RFTN1: variants seen among roughly 807,000 people sequenced by gnomAD.
The protein encoded by RFTN1 is raftlin.
In RFTN1, 26 loss-of-function variants were observed where a neutral mutation model predicts 46.5. The ratio of observed to expected loss-of-function variants is 0.56; its 90% CI spans 0.41 to 0.78. The LOEUF (loss-of-function observed/expected upper bound fraction) is 0.78, where lower values mean the gene tolerates loss of function less well. RFTN1 is among the 30% of genes least tolerant of loss of function. The pLI is 0.00. For synonymous variants in RFTN1, 261 were observed against 284.2 expected (o/e 0.92, Z 0.82); for missense variants, 693 against 718.7 (o/e 0.96, Z 0.41).
chr3:16,389,379 T>C (rs1026248008), intron 4 of RFTN1, among the ~76,000 whole-genome samples: 9 of 152,196 alleles, frequency 5.9e-5, no homozygotes, highest in African/African-American at 1.7e-4. Context: ...CTTTTGTAAA[T>C]ACCCTGGAGA....
rs1014368785 is a variant in RFTN1 at position 16,324,636 on chromosome 3, T to C, written c.1251-1179A>G. ...TGACCCCCCCCCTTTTAAGGTTGCA[T>C]AGTATTCCATTGTGTGTGTGTGTGT... On this transcript the variant is annotated intron_variant, in intron 8 of 9. Transcript: ENST00000334133. 2.2e-4 allele frequency among the ~76,000 whole-genome samples: 25 copies of C among 114,838 alleles called. 1 individual carries two copies. The highest frequency in any genetic ancestry group is 4.6e-4 in the Non-Finnish European group (25 of 54,418). 75.3% of individuals were successfully genotyped at this position (114,838 alleles called of 152,430 possible).
rs1659173502 is a variant in RFTN1 at position 16,320,433 on chromosome 3, T to C, written c.1332+2943A>G. 6.6e-6 allele frequency among the ~76,000 whole-genome samples: 1 copy of C among 152,244 alleles called. No homozygotes were observed. Among genetic ancestry groups the C allele is most frequent in the South Asian group, 2.1e-4 (1 of 4,834 alleles). ...ATGTGTGTCCTCGCTAAGAAGCTGA[T>C]TACTCATTCATTGATTCGACAAGTA... On this transcript the variant is annotated intron_variant, in intron 9 of 9. Transcript: ENST00000334133. The surrounding 1 kb of genome is among the most constrained non-coding windows in gnomAD (Gnocchi z 4.5).
In RFTN1 at chr3:16,422,309, G is replaced by A. The variant is rs148491375; in HGVS notation, c.332+11542C>T. 5.1e-4 allele frequency among the ~76,000 whole-genome samples: 77 copies of A among 152,272 alleles called. No individual in the cohort carries two copies. Among genetic ancestry groups the A allele is most frequent in the Middle Eastern group, 6.8e-3 (2 of 294 alleles). Reference sequence around the variant, plus strand: ...TCAGGCTTTACATGGAAAAATCAACGTACAAAAGTTATCAAGATCCTAAAA... The same window carrying A: ...TCAGGCTTTACATGGAAAAATCAACATACAAAAGTTATCAAGATCCTAAAA... On this transcript the variant is annotated intron_variant, in intron 3 of 9. Coordinates refer to ENST00000334133, the MANE Select transcript of RFTN1 (RefSeq NM_015150.2). This position sits in a 1 kb window ranked among gnomAD's most constrained non-coding sequence, Gnocchi z 4.6.
In RFTN1 at chr3:16,468,736, G is replaced by T. The variant is rs896181381; in HGVS notation, c.145+24989C>A. Reference sequence around the variant, plus strand: ...TTGCAACTAGCTGTAGCCAATTCAAGCTGAGCCAATTATCACCAATCATAA... The same window carrying T: ...TTGCAACTAGCTGTAGCCAATTCAATCTGAGCCAATTATCACCAATCATAA... On this transcript the variant is annotated intron_variant, in intron 2 of 9. Coordinates refer to ENST00000334133, the MANE Select transcript of RFTN1 (RefSeq NM_015150.2). The surrounding 1 kb of genome is among the most constrained non-coding windows in gnomAD (Gnocchi z 4.4). 6.6e-6 allele frequency among the ~76,000 whole-genome samples: 1 copy of T among 151,706 alleles called. No individual in the cohort carries two copies. The highest frequency in any genetic ancestry group is 1.5e-5 in the Non-Finnish European group (1 of 67,972).
rs1559351808 is a variant in RFTN1 at position 16,446,048 on chromosome 3, T to G, written c.146-12011A>C. ...GAGAAGGCTCATTAGCAGCTGTCAT[T>G]AAATGAAGAAATTCTCCTCTGATAA... On this transcript the variant is annotated intron_variant, in intron 2 of 9. Transcript: ENST00000334133. This position sits in a 1 kb window ranked among gnomAD's most constrained non-coding sequence, Gnocchi z 4.5. Among the ~76,000 whole-genome samples, 1 of 152,162 alleles carries G rather than the reference T, an allele frequency of 6.6e-6. No homozygotes were observed. Among genetic ancestry groups the G allele is most frequent in the Non-Finnish European group, 1.5e-5 (1 of 68,034 alleles).
At position 16,381,707 on chromosome 3, in the gene RFTN1, G is replaced by A. The variant is rs938101714; in HGVS notation, c.442-3605C>T. On this transcript the variant is annotated intron_variant, in intron 4 of 9. Transcript: ENST00000334133. This position sits in a 1 kb window ranked among gnomAD's most constrained non-coding sequence, Gnocchi z 4.2. Reference sequence around the variant, plus strand: ...AGGAAGGATCATGATGGGCAAAAGCGTGACAGTATGCAACAGCCTGGTGTG... The same window carrying A: ...AGGAAGGATCATGATGGGCAAAAGCATGACAGTATGCAACAGCCTGGTGTG... Among the ~76,000 whole-genome samples, 3 of 152,174 alleles carry A rather than the reference G, an allele frequency of 2.0e-5. No homozygotes were observed. Among genetic ancestry groups the A allele is most frequent in the African/African-American group, 2.4e-5 (1 of 41,424 alleles).
At position 16,470,135 on chromosome 3, in the gene RFTN1, G is replaced by A. The variant is rs899599090; in HGVS notation, c.145+23590C>T. On this transcript the variant is annotated intron_variant, in intron 2 of 9. Transcript: ENST00000334133. ...CTTCATTTGTCTATCTTTAAAATGG[G>A]GATATTTGTCCTTCCTGCTCCACTT... Among the ~76,000 whole-genome samples, 5 of 152,080 alleles carry A rather than the reference G, an allele frequency of 3.3e-5. No individual in the cohort carries two copies. The East Asian group carries it at 5.8e-4, about 18-fold the overall frequency.
At chr3:16,358,586 A>AG (rs1181750291) in intron 6 of RFTN1, among the ~76,000 whole-genome samples, 2 of 152,062 alleles carry the variant, frequency 1.3e-5, no homozygotes, top group Non-Finnish European at 2.9e-5. Context: ...AATGTGGGGG[A>AG]GAGGGAATTT....
intron 4 of RFTN1, among the ~76,000 whole-genome samples, chr3:16,404,601 ACT>A (rs774252175): frequency 2.0e-5 from 3 of 150,594 alleles, no homozygotes; most frequent in Non-Finnish European, 4.4e-5. Context: ...TCCAAGCTAC[ACT>A]CAAGTCAAAC....
intron 2 of RFTN1, among the ~76,000 whole-genome samples, chr3:16,462,307 A>C (rs1375985381): frequency 6.6e-6 from 1 of 152,252 alleles, no homozygotes. Context: ...TACTATTATT[A>C]TTCTTATAGC....
chr3:16,325,146 T>C (rs1440977705), intron 8 of RFTN1, among the ~76,000 whole-genome samples: 1 of 152,260 alleles, frequency 6.6e-6, no homozygotes, highest in Non-Finnish European at 1.5e-5. Context: ...ACCTATTTTG[T>C]GTAGCGGCTA....
chr3:16,464,956 A>T (rs1233088576), intron 2 of RFTN1, among the ~76,000 whole-genome samples: 1 of 152,206 alleles, frequency 6.6e-6, no homozygotes, highest in Non-Finnish European at 1.5e-5. Context: ...CCTGATTCTT[A>T]TTCCAGCCAT....
rs1249581562 is a variant in RFTN1 at position 16,334,139 on chromosome 3, T to TG, written c.1147-7264dup. 6.6e-6 allele frequency among the ~76,000 whole-genome samples: 1 copy of TG among 152,164 alleles called. No homozygotes were observed. The highest frequency in any genetic ancestry group is 6.5e-5 in the Admixed American group (1 of 15,282). On this transcript the variant is annotated intron_variant, in intron 7 of 9. Coordinates refer to ENST00000334133, the MANE Select transcript of RFTN1 (RefSeq NM_015150.2). This position sits in a 1 kb window ranked among gnomAD's most constrained non-coding sequence, Gnocchi z 4.3. Reference sequence around the variant, plus strand: ...GAGATCGTGCCACTGCACTCCAGCCTGGGCGACAGAGCAAGACTCTGTCTC... The same window carrying TG: ...GAGATCGTGCCACTGCACTCCAGCCTGGGGCGACAGAGCAAGACTCTGTCTC...
rs746093270 is a variant in RFTN1 at position 16,480,523 on chromosome 3, G to A, written c.145+13202C>T. The stretch of plus-strand genomic sequence containing the variant: ...CTGACCTGTAAACAAAGAAGAGTAT[G>A]CCTGAAACACAGAACTGAGGAAATG... On this transcript the variant is annotated intron_variant, in intron 2 of 9. Coordinates refer to ENST00000334133, the MANE Select transcript of RFTN1 (RefSeq NM_015150.2). The surrounding 1 kb of genome is among the most constrained non-coding windows in gnomAD (Gnocchi z 4.3). Among the ~76,000 whole-genome samples, 1 of 152,182 alleles carries A rather than the reference G, an allele frequency of 6.6e-6. No homozygotes were observed. Among genetic ancestry groups the A allele is most frequent in the Non-Finnish European group, 1.5e-5 (1 of 68,022 alleles).
In RFTN1 at chr3:16,414,546, G is replaced by T. The variant is rs1423781120; in HGVS notation, c.333-5063C>A. On this transcript the variant is annotated intron_variant, in intron 3 of 9. Transcript: ENST00000334133. ...TTAAACCTGGGAGGCGGAGGTTGCA[G>T]TGAGCCAAGATCACACCACTGCACT... Among the ~76,000 whole-genome samples the T allele has an allele frequency of 2.0e-5, 3 of 151,212 alleles. No individual in the cohort carries two copies. In the East Asian group the frequency reaches 5.8e-4, roughly 29 times the overall value.
chr3:16,387,570 T>TTCTTTCTCTCTCTCTCTCTCTCTCTC lies in RFTN1; in HGVS notation c.442-9469_442-9468insGAGAGAGAGAGAGAGAGAGAGAAAGA, dbSNP rs1224689232. The stretch of plus-strand genomic sequence containing the variant: ...CACTTCTCTCTTCTATATCCTCAAT[T>TTCTTTCTCTCTCTCTCTCTCTCTCTC]TCTCTCTCTCTCTCTCTCTCTCTCT... On this transcript the variant is annotated intron_variant, in intron 4 of 9. Coordinates refer to ENST00000334133, the MANE Select transcript of RFTN1 (RefSeq NM_015150.2). The surrounding 1 kb of genome is among the most constrained non-coding windows in gnomAD (Gnocchi z 5.2). 2.6e-5 allele frequency among the ~76,000 whole-genome samples: 3 copies of TTCTTTCTCTCTCTCTCTCTCTCTCTC among 116,418 alleles called. No homozygotes were observed. The highest frequency in any genetic ancestry group is 1.2e-4 in the African/African-American group (3 of 25,514). 76.4% of individuals were successfully genotyped at this position (116,418 alleles called of 152,430 possible). A position where few individuals can be genotyped will look rare whatever the true frequency, so the allele number is the denominator to read the frequency against.
intron 6 of RFTN1, 137 bp from the exon 7 acceptor site, chr3:16,358,184 A>C (rs1176321999): frequency 1.6e-6 from 1 of 628,390 alleles, no homozygotes; most frequent in Non-Finnish European, 2.9e-6. Flanking sequence ...TAATTAAAGA[A>C]GGCACACACA....
rs1575201499 is a variant in RFTN1 at position 16,387,084 on chromosome 3, C to T, written c.442-8982G>A. Among the ~76,000 whole-genome samples the T allele has an allele frequency of 6.6e-6, 1 of 152,362 alleles. No individual in the cohort carries two copies. Among genetic ancestry groups the T allele is most frequent in the East Asian group, 1.9e-4 (1 of 5,190 alleles). The stretch of plus-strand genomic sequence containing the variant: ...CCAGAAAGCTGCTTTAAGAGGCACA[C>T]AGATGAGTGTTCCTTCTCTTCCTTC... On this transcript the variant is annotated intron_variant, in intron 4 of 9. Coordinates refer to ENST00000334133, the MANE Select transcript of RFTN1 (RefSeq NM_015150.2). The surrounding 1 kb of genome is among the most constrained non-coding windows in gnomAD (Gnocchi z 5.2).
rs1006437758 is a variant in RFTN1, at chr3:16,421,135, C to T, written c.333-11652G>A. On this transcript the variant is annotated intron_variant, in intron 3 of 9. Coordinates refer to ENST00000334133, the MANE Select transcript of RFTN1 (RefSeq NM_015150.2). This position sits in a 1 kb window ranked among gnomAD's most constrained non-coding sequence, Gnocchi z 4.6. Reference sequence around the variant, plus strand: ...AAACAAAACATACAAAACAGAAAATCGTAAACAACAGAAATGATGAAATAA... The same window carrying T: ...AAACAAAACATACAAAACAGAAAATTGTAAACAACAGAAATGATGAAATAA... Among the ~76,000 whole-genome samples, 10 of 152,174 alleles carry T rather than the reference C, an allele frequency of 6.6e-5. No individual in the cohort carries two copies. Among genetic ancestry groups the T allele is most frequent in the African/African-American group, 1.2e-4 (5 of 41,512 alleles).
Sources: allele counts gnomAD v4.1 joint callset (sites outside exome capture counted in the v4.1 genomes callset), GRCh38; gene constraint gnomAD v4.1.1; non-coding constraint Gnocchi (gnomAD v3.1); transcripts MANE v1.5; gene names NCBI Gene and HGNC (gene_info 2026-07-23, HGNC 2026-07-21).